The following ZNF347 variants were observed in gnomAD, a reference collection of about 807,000 sequenced individuals.
The protein encoded by ZNF347 is zinc finger protein 347.
Under a neutral mutation model 12.9 loss-of-function variants are expected in ZNF347, and 19 were observed. That is an observed-to-expected ratio of 1.47 (90% CI 1.03 to 2.16). ZNF347 has a LOEUF of 2.16. ZNF347 is among the 30% of genes most tolerant of loss of function. The pLI is 0.00. For synonymous variants in ZNF347, 328 were observed against 340.6 expected, an observed-to-expected ratio of 0.96 and a Z score of 0.41; for missense variants, 1,005 against 990.6, an observed-to-expected ratio of 1.01 and a Z score of -0.19.
Position 53,141,272 on chromosome 19 carries a change from C to T in ZNF347, c.1556G>A (p.Gly519Asp). Residue 519 changes from glycine to aspartate, a missense_variant, in exon 5 of 5, where the codon GGC (glycine) becomes GAC (aspartate). Transcript: ENST00000334197. ...GTGTGAATTTTGAGTGAAGACCTTGCCACATTCATTACATTTGTAAGGCTT... is the reference window on the plus strand; with the variant it reads ...GTGTGAATTTTGAGTGAAGACCTTGTCACATTCATTACATTTGTAAGGCTT... ...GEKPYKCNECGKVFTQNSHLA... is the reference protein window; with the variant it reads ...GEKPYKCNECDKVFTQNSHLA... 1 of 1,613,748 alleles carries T rather than the reference C, an allele frequency of 6.2e-7. No homozygotes were observed. Among genetic ancestry groups the T allele is most frequent in the Non-Finnish European group, 8.5e-7 (1 of 1,179,942 alleles).
chr19:53,142,961 CA>C (rs2090439390), intron 4 of ZNF347, among the ~76,000 whole-genome samples: 1 of 152,168 alleles, frequency 6.6e-6, no homozygotes, highest in South Asian at 2.1e-4. Flanking sequence ...GTAACTGTTA[CA>C]CTAATATTAA....
intron 2 of ZNF347, among the ~76,000 whole-genome samples, chr19:53,151,543 A>G (rs2090498189): frequency 6.6e-6 from 1 of 151,682 alleles, no homozygotes; most frequent in African/African-American, 2.4e-5. Context: ...CTAAAAAAAA[A>G]AAAAAAAAAA....
At position 53,141,605 on chromosome 19, in the gene ZNF347, T is replaced by C. The variant is rs1240408073; in HGVS notation, c.1223A>G (p.Lys408Arg). 6.2e-7 allele frequency: 1 copy of C among 1,614,026 alleles called. No homozygotes were observed. Among genetic ancestry groups the C allele is most frequent in the African/African-American group, 1.3e-5 (1 of 75,042 alleles). The change falls in exon 5 of 5, where the codon AAG becomes AGG. Residue 408 changes from lysine (K) to arginine (R), a missense_variant. Lys to Arg is a conservative substitution (Grantham distance 26, BLOSUM62 2). Coordinates refer to ENST00000334197, the MANE Select transcript of ZNF347 (RefSeq NM_032584.3). Reference sequence around the variant, plus strand: ...AAGGTGTGAATTTTGAGTGAAGACCTTGCCACATTCATTACATTTGTAAGG... The same window carrying C: ...AAGGTGTGAATTTTGAGTGAAGACCCTGCCACATTCATTACATTTGTAAGG... ...EKPYKCNECG[K>R]VFTQNSHLTN... is the part of the protein sequence containing the mutation.
chr19:53,148,904 TA>T, intron 3 of ZNF347, 95 bp from the exon 4 acceptor site: 2 of 1,471,200 alleles, frequency 1.4e-6, no homozygotes, highest in Non-Finnish European at 1.8e-6. Context: ...CAGCTGTATC[TA>T]AAAAAACACT....
Position 53,140,481 on chromosome 19 carries a change from G to A in ZNF347, c.2347C>T (p.His783Tyr). The A allele has an allele frequency of 6.2e-7, 1 of 1,613,756 alleles. No homozygotes were observed. Among genetic ancestry groups the A allele is most frequent in the Non-Finnish European group, 8.5e-7 (1 of 1,179,874 alleles). ...TTCTCTCCGGTATGAATTCTCTGATGCCTTGCAAGTTTTGAAGTTTGACTA... is the reference window on the plus strand; with the variant it reads ...TTCTCTCCGGTATGAATTCTCTGATACCTTGCAAGTTTTGAAGTTTGACTA... ...AFSQTSKLAR[H>Y]QRIHTGEKPY... Residue 783 changes from histidine (H) to tyrosine (Y), a missense_variant, in exon 5 of 5, where the codon CAT becomes TAT. Transcript: ENST00000334197.
chr19:53,138,309 G>C lies in ZNF347; in HGVS notation c.*1999C>G, dbSNP rs1302015261. ...ATTTCTATTTTTTTTGTAGAGACAG[G>C]GTTTTGCCATGTTGTCCTGGCTGGT... On this transcript the variant is annotated 3_prime_UTR_variant, in exon 5 of 5. Coordinates refer to ENST00000334197, the MANE Select transcript of ZNF347 (RefSeq NM_032584.3). The C allele has an allele frequency of 6.6e-6, 1 of 151,704 alleles. No homozygotes were observed. The highest frequency in any genetic ancestry group is 6.6e-5 in the Admixed American group (1 of 15,204). 9.4% of individuals were successfully genotyped at this position (151,704 alleles called of 1,614,324 possible). A position where few individuals can be genotyped will look rare whatever the true frequency, so the allele number is the denominator to read the frequency against.
rs1420810259 is a variant in ZNF347 at position 53,137,762 on chromosome 19, T to C, written c.*2546A>G. ...CTTGTCAAATTATGTGAGCATAGCA[T>C]TCTTAGTGTTATTTTTGTTATTCTG... is the stretch of plus-strand genomic sequence containing the variant. On this transcript the variant is annotated 3_prime_UTR_variant, in exon 5 of 5. Coordinates refer to ENST00000334197, the MANE Select transcript of ZNF347 (RefSeq NM_032584.3). 2.0e-5 allele frequency: 3 copies of C among 152,186 alleles called. No individual in the cohort carries two copies. Among genetic ancestry groups the C allele is most frequent in the South Asian group, 2.1e-4 (1 of 4,836 alleles). 9.4% of individuals were successfully genotyped at this position (152,186 alleles called of 1,614,324 possible).
At position 53,141,770 on chromosome 19, in the gene ZNF347, A is replaced by G; in HGVS notation, c.1058T>C (p.Val353Ala). ...TACAAGGTGTGAATTCTGAGTGAAG[A>G]CCTTGCCACATTCGTTACATTTATA... ...KPYKCNECGK[V>A]FTQNSHLVRH... is the part of the protein sequence containing the mutation. Residue 353 changes from valine to alanine, a missense_variant, in exon 5 of 5, where the codon GTC becomes GCC. Val to Ala is a moderately conservative substitution (Grantham distance 64, BLOSUM62 0). Transcript: ENST00000334197. 1 of 1,613,450 alleles carries G rather than the reference A, an allele frequency of 6.2e-7. No homozygotes were observed. Among genetic ancestry groups the G allele is most frequent in the Non-Finnish European group, 8.5e-7 (1 of 1,179,766 alleles).
intron 2 of ZNF347, among the ~76,000 whole-genome samples, chr19:53,153,296 A>T (rs974965552): frequency 6.6e-6 from 1 of 152,226 alleles, no homozygotes; most frequent in Non-Finnish European, 1.5e-5. Flanking sequence ...AATGTAAATG[A>T]GCCAGAAAAA....
intron 4 of ZNF347, among the ~76,000 whole-genome samples, chr19:53,146,282 AT>A (rs1162603032): frequency 6.6e-6 from 1 of 150,856 alleles, no homozygotes; most frequent in African/African-American, 2.4e-5. Flanking sequence ...GCCTAAAAAA[AT>A]TTTTTTTTAG....
In ZNF347 at chr19:53,135,331, T is replaced by TAGAGAGAG. The variant is rs2090381034; in HGVS notation, c.*4976_*4977insCTCTCTCT. The TAGAGAGAG allele has an allele frequency of 3.5e-5, 2 of 57,758 alleles. No homozygotes were observed. Among genetic ancestry groups the TAGAGAGAG allele is most frequent in the African/African-American group, 1.5e-4 (2 of 13,706 alleles). 3.6% of individuals were successfully genotyped at this position (57,758 alleles called of 1,614,324 possible). The stretch of plus-strand genomic sequence containing the variant: ...ATATATATATATATATATATATATA[T>TAGAGAGAG]ATATATATAGAGAGAGAGAGAGAGA... On this transcript the variant is annotated 3_prime_UTR_variant, in exon 5 of 5. Transcript: ENST00000334197.
At chr19:53,143,382 C>G (rs2090442395) in intron 4 of ZNF347, among the ~76,000 whole-genome samples, 3 of 113,344 alleles carry the variant, frequency 2.6e-5, no homozygotes, top group African/African-American at 1.0e-4. Context: ...CCCCCCTCCC[C>G]CCACCCCACA....
At position 53,152,304 on chromosome 19, in the gene ZNF347, A is replaced by G. The variant is rs2090503776; in HGVS notation, c.15+1429T>C. 2.0e-5 allele frequency among the ~76,000 whole-genome samples: 3 copies of G among 152,070 alleles called. No homozygotes were observed. The South Asian group carries it at 6.2e-4, about 31-fold the overall frequency. On this transcript the variant is annotated intron_variant, in intron 2 of 4. Coordinates refer to ENST00000334197, the MANE Select transcript of ZNF347 (RefSeq NM_032584.3). ...TTCAAAATTTGCAGGCTAAAATGTCACAACAAAACATTCACTGAAGGGCCG... is the reference window on the plus strand; with the variant it reads ...TTCAAAATTTGCAGGCTAAAATGTCGCAACAAAACATTCACTGAAGGGCCG...
chr19:53,142,301 C>A lies in ZNF347; in HGVS notation c.527G>T (p.Arg176Ile), dbSNP rs970397551. The stretch of plus-strand genomic sequence containing the variant: ...AAGCTGATTTTTAATAAGCTTGTTT[C>A]TTGCATCTCTTTTATCATGTTCATC... ...GRDEHDKRDA[R>I]NKLIKNQLGL... The change falls in exon 5 of 5, where the codon AGA (arginine) becomes ATA (isoleucine). Residue 176 changes from arginine to isoleucine, a missense_variant. Coordinates refer to ENST00000334197, the MANE Select transcript of ZNF347 (RefSeq NM_032584.3). 6.8e-6 allele frequency: 11 copies of A among 1,613,850 alleles called. No homozygotes were observed. The highest frequency in any genetic ancestry group is 6.8e-6 in the Non-Finnish European group (8 of 1,179,976).
At position 53,141,644 on chromosome 19, in the gene ZNF347, T is replaced by A; in HGVS notation, c.1184A>T (p.His395Leu). The part of the protein sequence containing the change: ...RSSLAIHQAT[H>L]SGEKPYKCNE... ...ACATTTGTAAGGTTTTTCTCCACTG[T>A]GGGTTGCCTGATGGATAGCTAAGCT... Residue 395 changes from histidine to leucine, a missense_variant, in exon 5 of 5, where the codon CAC (histidine) becomes CTC (leucine). Transcript: ENST00000334197. 6.2e-7 allele frequency: 1 copy of A among 1,614,108 alleles called. No individual in the cohort carries two copies. Among genetic ancestry groups the A allele is most frequent in the Non-Finnish European group, 8.5e-7 (1 of 1,180,004 alleles).
At chr19:53,156,047 G>C (rs968286201) in intron 1 of ZNF347, among the ~76,000 whole-genome samples, 2 of 108,536 alleles carry the variant, frequency 1.8e-5, no homozygotes, top group Non-Finnish European at 4.0e-5. Context: ...TCCCAGCTCG[G>C]GGGGGGGGGG....
chr19:53,142,239 G>C lies in ZNF347; in HGVS notation c.589C>G (p.Leu197Val), dbSNP rs1295477923. 1 of 1,612,840 alleles carries C rather than the reference G, an allele frequency of 6.2e-7. No individual in the cohort carries two copies. The highest frequency in any genetic ancestry group is 1.3e-5 in the African/African-American group (1 of 74,834). Residue 197 changes from leucine (L) to valine (V), a missense_variant, in exon 5 of 5, where the codon CTT (leucine) becomes GTT (valine). Coordinates refer to ENST00000334197, the MANE Select transcript of ZNF347 (RefSeq NM_032584.3). ...SLQSHLPELQ[L>V]FQYEGKIYEC... ...TAAATTTTCCCTTCATATTGAAAAA[G>C]CTGCAGTTCAGGCAGATGTGACTGA...
At chr19:53,148,984 C>T in intron 3 of ZNF347, 175 bp from the exon 4 acceptor site, 1 of 1,077,020 alleles carries the variant, frequency 9.3e-7, no homozygotes, top group Non-Finnish European at 1.3e-6. Context: ...AAATATATAG[C>T]TCTCATCCCA....
At position 53,135,958 on chromosome 19, in the gene ZNF347, T is replaced by A. The variant is rs906325937; in HGVS notation, c.*4350A>T. 3 of 152,142 alleles carry A rather than the reference T, an allele frequency of 2.0e-5. No homozygotes were observed. Among genetic ancestry groups the A allele is most frequent in the South Asian group, 2.1e-4 (1 of 4,830 alleles). 9.4% of individuals were successfully genotyped at this position (152,142 alleles called of 1,614,324 possible). A position where few individuals can be genotyped will look rare whatever the true frequency, so the allele number is the denominator to read the frequency against. On this transcript the variant is annotated 3_prime_UTR_variant, in exon 5 of 5. Coordinates refer to ENST00000334197, the MANE Select transcript of ZNF347 (RefSeq NM_032584.3). ...AATATCATGTTTTGCTGTAAGATCC[T>A]CTGGCTCAGAAAAGAAATACCAGCC...
Sources: gnomAD v4.1 joint callset for allele counts (sites outside exome capture counted in the v4.1 genomes callset) on GRCh38, gnomAD v4.1.1 for gene constraint, MANE v1.5 for transcripts, NCBI Gene and HGNC (gene_info 2026-07-23, HGNC 2026-07-21) for gene names.